SGIP1: variants seen among roughly 807,000 people sequenced by gnomAD.
SGIP1 encodes SH3GL interacting endocytic adaptor 1.
A neutral mutation model predicts 107.5 loss-of-function variants in SGIP1; 38 were observed. That is an observed-to-expected ratio of 0.35 (90% confidence interval 0.27 to 0.46). The LOEUF (loss-of-function observed/expected upper bound fraction) is 0.46. SGIP1 is among the 20% of genes least tolerant of loss of function. The pLI, the probability that SGIP1 is intolerant of heterozygous loss-of-function variation, is 1.00. For missense variants in SGIP1, 929 were observed against 1,019.5 expected (o/e 0.91, Z 1.21); for synonymous variants, 365 against 366.1 (o/e 1.00, Z 0.03).
intron 1 of SGIP1, among the ~76,000 whole-genome samples, chr1:66,561,770 T>C (rs2058982107): frequency 6.6e-6 from 1 of 152,056 alleles, no homozygotes; most frequent in Non-Finnish European, 1.5e-5. Flanking sequence ...ACTGACATTG[T>C]TACTGCTTTA....
At chr1:66,536,529 A>G (rs2053648805) in intron 1 of SGIP1, among the ~76,000 whole-genome samples, 2 of 152,178 alleles carry the variant, frequency 1.3e-5, no homozygotes. Flanking sequence ...GCATGGCAGA[A>G]TTTCACCTCT....
rs1212150716 is a variant in SGIP1 at position 66,743,841 on chromosome 1, TTAAGTA to T, written c.*749_*754del. On this transcript the variant is annotated 3_prime_UTR_variant, in exon 25 of 25. Transcript: ENST00000371037. ...AGGGAAAGCAATTCATATTTAAAGT[TTAAGTA>T]TATTAAATTATAATCAAGAGTAAAG... 89 of 152,728 alleles carry T rather than the reference TTAAGTA, an allele frequency of 5.8e-4. No individual in the cohort carries two copies. Among genetic ancestry groups the T allele is most frequent in the African/African-American group, 2.0e-3 (82 of 41,578 alleles). 9.5% of individuals were successfully genotyped at this position (152,728 alleles called of 1,614,324 possible).
chr1:66,749,335 G>T lies in SGIP1; in HGVS notation c.*6240G>T, dbSNP rs1408632498. 6.6e-6 allele frequency among the ~76,000 whole-genome samples: 1 copy of T among 151,854 alleles called. No individual in the cohort carries two copies. The highest frequency in any genetic ancestry group is 2.4e-5 in the African/African-American group (1 of 41,394). On this transcript the variant is annotated 3_prime_UTR_variant, in exon 25 of 25. Coordinates refer to ENST00000371037, the MANE Select transcript of SGIP1 (RefSeq NM_032291.4). ...CAATGTTGACAGTATTTTTACATCA[G>T]CTTGTCAGAAATTATATTAAAAACA...
chr1:66,627,730 A>C (rs896325025), intron 2 of SGIP1, among the ~76,000 whole-genome samples: 1 of 152,150 alleles, frequency 6.6e-6, no homozygotes, highest in Admixed American at 6.5e-5. Context: ...TATAATTTAC[A>C]TTGTTTCTTA....
chr1:66,712,899 C>A (rs1439267638), intron 18 of SGIP1, among the ~76,000 whole-genome samples: 1 of 152,170 alleles, frequency 6.6e-6, no homozygotes, highest in Non-Finnish European at 1.5e-5. Flanking sequence ...TTCCTCAGAA[C>A]CCCCTCAAAG....
intron 12 of SGIP1, 140 bp from the exon 13 acceptor site, chr1:66,676,864 C>A: frequency 1.6e-6 from 1 of 643,368 alleles, no homozygotes; most frequent in Non-Finnish European, 2.7e-6. Flanking sequence ...TAAGGAGCAG[C>A]ACATTCCTAA....
At chr1:66,702,753 A>G (rs1206427380) in intron 18 of SGIP1, among the ~76,000 whole-genome samples, 1 of 152,200 alleles carries the variant, frequency 6.6e-6, no homozygotes, top group Non-Finnish European at 1.5e-5. Context: ...GGTCCAAAAC[A>G]CACAGTTGTT....
intron 7 of SGIP1, among the ~76,000 whole-genome samples, chr1:66,651,618 C>T (rs1007199644): frequency 2.0e-5 from 3 of 152,152 alleles, no homozygotes; most frequent in Non-Finnish European, 4.4e-5. Context: ...CCAAAGGGCC[C>T]ACCTCACAGA....
chr1:66,686,284 A>C (rs1410254580), intron 15 of SGIP1, among the ~76,000 whole-genome samples: 2 of 152,138 alleles, frequency 1.3e-5, no homozygotes, highest in Non-Finnish European at 2.9e-5. Flanking sequence ...CGGTAGACAC[A>C]TGGTCTTCGG....
At chr1:66,602,979 G>A (rs762876738) in intron 1 of SGIP1, among the ~76,000 whole-genome samples, 85 of 152,182 alleles carry the variant, frequency 5.6e-4, no homozygotes, top group Middle Eastern at 3.4e-3. Flanking sequence ...ATTACCTGTG[G>A]GAAACAATGG....
intron 1 of SGIP1, among the ~76,000 whole-genome samples, chr1:66,596,744 T>C (rs979777050): frequency 2.0e-5 from 3 of 151,810 alleles, no homozygotes; most frequent in Non-Finnish European, 4.4e-5. Context: ...ATGTTAACAC[T>C]GGAATAGGAA....
chr1:66,660,454 A>C, intron 7 of SGIP1, 59 bp from the exon 8 acceptor site: 1 of 1,518,044 alleles, frequency 6.6e-7, no homozygotes, highest in Non-Finnish European at 9.1e-7. Flanking sequence ...TCTTCTTGAA[A>C]ATACATTTCA....
At chr1:66,660,016 C>CAGGCAGGA (rs2080777494) in intron 7 of SGIP1, 1 of 37,214 alleles carries the variant, frequency 2.7e-5, no homozygotes, top group Non-Finnish European at 4.1e-5. Context: ...GACAGACAGA[C>CAGGCAGGA]AGGAAGGAAG....
At chr1:66,625,813 A>G in intron 1 of SGIP1, 34 bp from the exon 2 acceptor site, 1 of 1,591,254 alleles carries the variant, frequency 6.3e-7, no homozygotes. Flanking sequence ...AATGTTGCTG[A>G]GAGAGTTTTT....
intron 1 of SGIP1, among the ~76,000 whole-genome samples, chr1:66,575,376 G>A (rs556159828): frequency 6.6e-6 from 1 of 152,178 alleles, no homozygotes; most frequent in Non-Finnish European, 1.5e-5. Context: ...AATTTACTTG[G>A]CCTTATGTTT....
At chr1:66,573,722 G>T (rs945823011) in intron 1 of SGIP1, among the ~76,000 whole-genome samples, 5 of 151,980 alleles carry the variant, frequency 3.3e-5, no homozygotes, top group East Asian at 1.9e-4. Context: ...ACATAGACAC[G>T]CAGAGGGGAA....
intron 19 of SGIP1, among the ~76,000 whole-genome samples, chr1:66,721,816 T>C (rs1029938057): frequency 1.8e-4 from 28 of 152,180 alleles, no homozygotes; most frequent in Non-Finnish European, 3.7e-4. Context: ...TGCTTCCTAA[T>C]TGGCTTTCAT....
chr1:66,725,234 C>A (rs2093701379), intron 19 of SGIP1, among the ~76,000 whole-genome samples: 1 of 152,188 alleles, frequency 6.6e-6, no homozygotes, highest in African/African-American at 2.4e-5. Flanking sequence ...AGAAGCTCAT[C>A]TGCTCCCAAT....
At position 66,689,403 on chromosome 1, in the gene SGIP1, A is replaced by C; in HGVS notation, c.1443+128A>C. 7 of 1,204,074 alleles carry C rather than the reference A, an allele frequency of 5.8e-6. No individual in the cohort carries two copies. In the South Asian group the frequency reaches 1.1e-4, roughly 19 times the overall value. 74.6% of individuals were successfully genotyped at this position (1,204,074 alleles called of 1,614,324 possible). A position where few individuals can be genotyped will look rare whatever the true frequency, so the allele number is the denominator to read the frequency against. ...CCCTGACAGGTGGCATCTGAAAGACAGTCACTGCGGTATGAGTGTACATTT... is the reference window on the plus strand; with the variant it reads ...CCCTGACAGGTGGCATCTGAAAGACCGTCACTGCGGTATGAGTGTACATTT... On this transcript the variant is annotated intron_variant, in intron 16 of 24. Transcript: ENST00000371037.
Sources: gnomAD v4.1 joint callset for allele counts (sites outside exome capture counted in the v4.1 genomes callset) on GRCh38, gnomAD v4.1.1 for gene constraint, MANE v1.5 for transcripts, NCBI Gene and HGNC (gene_info 2026-07-23, HGNC 2026-07-21) for gene names.